Variants in ZNF44 observed in about 807,000 individuals in gnomAD.
The protein encoded by ZNF44 is zinc finger protein 44.
In ZNF44, 9 loss-of-function variants were observed where a neutral mutation model predicts 11.7. That is an observed-to-expected ratio of 0.77 (90% CI 0.46 to 1.35). ZNF44 has a LOEUF of 1.35. ZNF44 is among the 40% of genes most tolerant of loss of function. ZNF44 has a pLI of 0.00. For synonymous variants in ZNF44, 224 were observed against 242.7 expected (o/e 0.92, Z 0.72); for missense variants, 696 against 743.1 (o/e 0.94, Z 0.74).
intron 5 of ZNF44, among the ~76,000 whole-genome samples, chr19:12,251,746 A>T (rs1917004536): frequency 6.6e-6 from 1 of 152,114 alleles, no homozygotes; most frequent in East Asian, 1.9e-4. Context: ...ACCTTGAGGA[A>T]CAGGTTAAGA....
chr19:12,235,843 A>G (rs957454881), intron 1 of ZNF44, among the ~76,000 whole-genome samples: 13 of 152,294 alleles, frequency 8.5e-5, no homozygotes, highest in African/African-American at 1.2e-4. Context: ...AGGAAGTTCT[A>G]AAACCCAGGA....
downstream of ZNF44, chr19:12,225,313 T>C (rs995293523): frequency 2.6e-5 from 4 of 152,460 alleles, no homozygotes; most frequent in Middle Eastern, 3.4e-3. Context: ...GTAAGAACAT[T>C]AGTCCCATAA....
intron 5 of ZNF44, among the ~76,000 whole-genome samples, chr19:12,265,233 C>T (rs1031026214): frequency 2.6e-5 from 4 of 151,964 alleles, no homozygotes; most frequent in Middle Eastern, 3.2e-3. Flanking sequence ...TAAAGAGGCA[C>T]GCTCTCTACA....
At chr19:12,288,128 CCACAA>C (rs1453656914) in intron 1 of ZNF44, among the ~76,000 whole-genome samples, 1 of 152,152 alleles carries the variant, frequency 6.6e-6, no homozygotes, top group East Asian at 1.9e-4. Flanking sequence ...GGGCTCAGTT[CCACAA>C]CAGGGACCCT....
At chr19:12,248,767 T>G (rs1043761416) in intron 7 of ZNF44, 5 of 830,452 alleles carry the variant, frequency 6.0e-6, no homozygotes, top group Non-Finnish European at 8.1e-6. Context: ...TTTTCCACTT[T>G]CAGGGAAAGT....
chr19:12,250,514 G>A, intron 5 of ZNF44: 1 of 628,238 alleles, frequency 1.6e-6, no homozygotes, highest in South Asian at 1.9e-5. Context: ...TAACTCTTTG[G>A]CCACACTCCC....
At chr19:12,225,569 G>A (rs756047210), downstream of ZNF44, among the ~76,000 whole-genome samples, 18 of 152,220 alleles carry the variant, frequency 1.2e-4, no homozygotes, top group African/African-American at 2.6e-4. Flanking sequence ...CATTATTCCC[G>A]CTATGAGGAT....
chr19:12,250,819 C>G (rs1453824482), intron 5 of ZNF44: 3 of 456,252 alleles, frequency 6.6e-6, no homozygotes, highest in South Asian at 4.6e-5. Flanking sequence ...AGCATGAGAA[C>G]AAGAGGCACG....
chr19:12,247,545 G>T, downstream of ZNF44: 7 of 1,348,234 alleles, frequency 5.2e-6, no homozygotes, highest in Non-Finnish European at 6.9e-6. Flanking sequence ...TCCAGTGTGG[G>T]TTCTTTCATG....
intron 3 of ZNF44, among the ~76,000 whole-genome samples, chr19:12,229,713 A>G (rs1277363803): frequency 6.6e-6 from 1 of 151,618 alleles, no homozygotes; most frequent in East Asian, 1.9e-4. Flanking sequence ...TCCCAGGTTC[A>G]CGCCATTCTT....
chr19:12,277,287 A>C (rs1967268064), intron 1 of ZNF44, among the ~76,000 whole-genome samples: 1 of 152,224 alleles, frequency 6.6e-6, no homozygotes. Context: ...ATGACAAAAG[A>C]CTAATAAAAG....
upstream of ZNF44, among the ~76,000 whole-genome samples, chr19:12,241,007 A>G (rs1419012737): frequency 6.6e-6 from 1 of 152,246 alleles, no homozygotes; most frequent in African/African-American, 2.4e-5. Context: ...CAAATCACGT[A>G]TCTTGGAAGA....
intron 3 of ZNF44, among the ~76,000 whole-genome samples, chr19:12,229,634 G>A (rs1375534232): frequency 6.8e-6 from 1 of 146,382 alleles, no homozygotes; most frequent in Non-Finnish European, 1.5e-5. Context: ...TTTTTTTTGA[G>A]ACTTTGTCTT....
At chr19:12,243,786 A>G (rs907214298), downstream of ZNF44, among the ~76,000 whole-genome samples, 4 of 152,054 alleles carry the variant, frequency 2.6e-5, no homozygotes, top group African/African-American at 9.7e-5. Flanking sequence ...ATTCCCACCA[A>G]CAGTATACAA....
At chr19:12,287,067 C>G (rs1269216174) in intron 1 of ZNF44, among the ~76,000 whole-genome samples, 1 of 148,000 alleles carries the variant, frequency 6.8e-6, no homozygotes, top group Non-Finnish European at 1.5e-5. Context: ...TATATATATA[C>G]ACATATATGT....
At chr19:12,284,501 G>A in intron 1 of ZNF44, 1 of 678,094 alleles carries the variant, frequency 1.5e-6, no homozygotes. Context: ...CCGTTACCAA[G>A]CTGGGCTGCC....
chr19:12,275,732 C>G (rs1219397535), intron 2 of ZNF44, among the ~76,000 whole-genome samples: 1 of 152,182 alleles, frequency 6.6e-6, no homozygotes, highest in Non-Finnish European at 1.5e-5. Context: ...ATGTGCTCGT[C>G]ACTTGTTTAT....
chr19:12,254,823 C>T (rs1022548734), intron 5 of ZNF44, among the ~76,000 whole-genome samples: 3 of 152,134 alleles, frequency 2.0e-5, no homozygotes, highest in Admixed American at 6.6e-5. Flanking sequence ...TGGTGGCTCA[C>T]GCCTATAATC....
At chr19:12,249,931 A>G (rs1291633633) in intron 7 of ZNF44, 1 of 1,177,916 alleles carries the variant, frequency 8.5e-7, no homozygotes, top group Admixed American at 3.1e-5. Context: ...ATGACATACT[A>G]AGATTTTTCT....
Sources: allele counts gnomAD v4.1 joint callset (sites outside exome capture counted in the v4.1 genomes callset), GRCh38; gene constraint gnomAD v4.1.1; transcripts MANE v1.5; gene names NCBI Gene and HGNC (gene_info 2026-07-23, HGNC 2026-07-21).